Variants in NFIA observed in about 807,000 individuals in gnomAD.
NFIA encodes nuclear factor I A, also known as nuclear factor 1 A-type.
In NFIA, 8 loss-of-function variants were observed where a neutral mutation model predicts 62.8. The observed-to-expected ratio is 0.13, with a 90% CI of 0.07 to 0.23. The LOEUF is 0.23. Ranked by LOEUF, NFIA falls within the 10% of genes least tolerant of loss-of-function variation. The probability of loss-of-function intolerance (pLI) is 1.00; values close to 1 mark genes in which losing one functional copy is unlikely to be tolerated. For missense variants in NFIA, 410 were observed against 642.1 expected (o/e 0.64, Z 3.91); for synonymous variants, 235 against 238.1 (o/e 0.99, Z 0.12).
intron 8 of NFIA, among the ~76,000 whole-genome samples, chr1:61,404,626 A>G (rs1376918037): frequency 1.3e-5 from 2 of 152,228 alleles, no homozygotes; most frequent in Non-Finnish European, 2.9e-5. Flanking sequence ...AAGACCAAGT[A>G]GTTTTAAATA....
chr1:61,319,836 C>CACACACACACACACACACACACA (rs1660580765), intron 3 of NFIA, among the ~76,000 whole-genome samples: 2 of 139,098 alleles, frequency 1.4e-5, no homozygotes, highest in African/African-American at 5.2e-5. Flanking sequence ...CACACACACA[C>CACACACACACACACACACACACA]CAACTTTCAT....
At chr1:61,307,892 C>T (rs1395792950) in intron 3 of NFIA, among the ~76,000 whole-genome samples, 1 of 152,190 alleles carries the variant, frequency 6.6e-6, no homozygotes, top group Non-Finnish European at 1.5e-5. Flanking sequence ...TCTTGTCTTC[C>T]TATAAATGTC....
intron 4 of NFIA, among the ~76,000 whole-genome samples, chr1:61,335,979 A>G (rs991786902): frequency 6.6e-6 from 1 of 152,208 alleles, no homozygotes; most frequent in Non-Finnish European, 1.5e-5. Context: ...TGTACCAGGC[A>G]TTGTGCTGGG....
intron 2 of NFIA, among the ~76,000 whole-genome samples, chr1:61,225,522 T>C (rs1654277916): frequency 1.3e-5 from 2 of 151,516 alleles, no homozygotes; most frequent in African/African-American, 4.9e-5. Flanking sequence ...GTGCTGGCAT[T>C]ACAGCTGTGA....
At chr1:61,263,935 A>G (rs1656939581) in intron 2 of NFIA, among the ~76,000 whole-genome samples, 2 of 152,146 alleles carry the variant, frequency 1.3e-5, no homozygotes, top group African/African-American at 4.8e-5. Flanking sequence ...GGTTGCAGTG[A>G]GCAGAGATCA....
At chr1:61,210,407 C>T (rs540928853) in intron 2 of NFIA, among the ~76,000 whole-genome samples, 1 of 152,040 alleles carries the variant, frequency 6.6e-6, no homozygotes, top group Middle Eastern at 3.4e-3. Flanking sequence ...TACTTTTTTC[C>T]CCCAGAACAT....
chr1:61,264,653 CAAAAAAAAAAAAAAA>C (rs1165980251), intron 2 of NFIA, among the ~76,000 whole-genome samples: 1,179 of 60,774 alleles, frequency 0.019, 45 homozygotes, highest in South Asian at 0.13. Context: ...CTCCACCTTA[CAAAAAAAAAAAAAAA>C]AAAAAAAAAA....
At chr1:61,128,855 CCTAAG>C (rs1466675399) in intron 2 of NFIA, among the ~76,000 whole-genome samples, 7 of 150,484 alleles carry the variant, frequency 4.7e-5, no homozygotes, top group Non-Finnish European at 1.0e-4. Context: ...AAGGGACTTT[CCTAAG>C]CTCACAGACC....
chr1:61,085,213 A>G (rs928974581), intron 1 of NFIA, among the ~76,000 whole-genome samples: 23 of 152,202 alleles, frequency 1.5e-4, no homozygotes, highest in Admixed American at 1.5e-3. Context: ...TTTACCAAGA[A>G]AAACCTAGAC....
At chr1:61,177,653 TTGTGTGTGTGTGTG>T (rs56299869) in intron 2 of NFIA, among the ~76,000 whole-genome samples, 1 of 146,054 alleles carries the variant, frequency 6.8e-6, no homozygotes, top group East Asian at 2.0e-4. Context: ...GTTTTCTCTA[TTGTGTGTGTGTGTG>T]TGTGTGTGTG....
intron 3 of NFIA, among the ~76,000 whole-genome samples, chr1:61,295,893 T>C (rs1018579895): frequency 6.6e-6 from 1 of 152,238 alleles, no homozygotes; most frequent in Non-Finnish European, 1.5e-5. Context: ...AGTGGCTATA[T>C]TGCATATTTT....
At chr1:61,112,186 T>C (rs1326004048) in intron 2 of NFIA, among the ~76,000 whole-genome samples, 2 of 152,070 alleles carry the variant, frequency 1.3e-5, no homozygotes, top group Non-Finnish European at 2.9e-5. Flanking sequence ...GTCTTTAGTA[T>C]GTTGAGCTGT....
At chr1:61,230,837 C>T (rs1044944466) in intron 2 of NFIA, among the ~76,000 whole-genome samples, 1 of 152,210 alleles carries the variant, frequency 6.6e-6, no homozygotes, top group Non-Finnish European at 1.5e-5. Flanking sequence ...AGTGTCAGTG[C>T]AGGGCCATTG....
intron 3 of NFIA, among the ~76,000 whole-genome samples, chr1:61,293,622 C>A (rs1203420182): frequency 1.3e-5 from 2 of 151,580 alleles, no homozygotes; most frequent in Non-Finnish European, 2.9e-5. Context: ...TCTTTGGCAT[C>A]CACCTTTCGA....
intron 10 of NFIA, among the ~76,000 whole-genome samples, chr1:61,435,901 C>A: frequency 6.6e-6 from 1 of 152,176 alleles, no homozygotes; most frequent in Non-Finnish European, 1.5e-5. Context: ...CCTCTTGTCT[C>A]TGAATGCTTG....
intron 3 of NFIA, among the ~76,000 whole-genome samples, chr1:61,322,403 A>G (rs989387837): frequency 6.6e-6 from 1 of 152,132 alleles, no homozygotes; most frequent in African/African-American, 2.4e-5. Flanking sequence ...AGTTGGCAGG[A>G]TGGTTCTACT....
At chr1:61,111,862 TA>T (rs1646699674) in intron 2 of NFIA, among the ~76,000 whole-genome samples, 1 of 152,162 alleles carries the variant, frequency 6.6e-6, no homozygotes, top group Non-Finnish European at 1.5e-5. Context: ...ATGGTATTTG[TA>T]AAAATGTTAT....
intron 7 of NFIA, among the ~76,000 whole-genome samples, chr1:61,385,665 T>C (rs949936615): frequency 6.6e-6 from 1 of 152,182 alleles, no homozygotes; most frequent in African/African-American, 2.4e-5. Context: ...TCCCTATGGG[T>C]ACAGGTTGAG....
chr1:61,105,049 G>T (rs1173840406), intron 2 of NFIA, among the ~76,000 whole-genome samples: 1 of 151,928 alleles, frequency 6.6e-6, no homozygotes, highest in Non-Finnish European at 1.5e-5. Flanking sequence ...ATAAGGCACA[G>T]GATTTTCCCG....
Sources: gnomAD v4.1 joint callset for allele counts (sites outside exome capture counted in the v4.1 genomes callset) on GRCh38, gnomAD v4.1.1 for gene constraint, MANE v1.5 for transcripts, NCBI Gene and HGNC (gene_info 2026-07-23, HGNC 2026-07-21) for gene names.